FRMD4B: variants seen among roughly 807,000 people sequenced by gnomAD.
FRMD4B encodes FERM domain-containing protein 4B.
FRMD4B carries 74 observed loss-of-function variants against 141.5 expected under a neutral mutation model. That is an observed-to-expected ratio of 0.52 (90% CI 0.43 to 0.63). FRMD4B has a LOEUF of 0.63. Ranked by LOEUF, FRMD4B falls within the 30% of genes least tolerant of loss-of-function variation. The pLI, the probability that FRMD4B is intolerant of heterozygous loss-of-function variation, is 0.00. For missense variants in FRMD4B, 1,366 were observed against 1,253.4 expected, an observed-to-expected ratio of 1.09 and a Z score of -1.36; for synonymous variants, 506 against 467.9, an observed-to-expected ratio of 1.08 and a Z score of -1.05.
At chr3:69,265,270 ATATATATATATAT>A (rs1261436970) in intron 5 of FRMD4B, among the ~76,000 whole-genome samples, 897 of 20,222 alleles carry the variant, frequency 0.044, 167 homozygotes, top group Middle Eastern at 0.12. Context: ...AAAAAAAAAA[ATATATATATATAT>A]ATATATATAT....
intron 1 of FRMD4B, among the ~76,000 whole-genome samples, chr3:69,323,471 G>A (rs1343368753): frequency 6.6e-6 from 1 of 151,592 alleles, no homozygotes; most frequent in Admixed American, 6.6e-5. Context: ...GGGAGGCTGA[G>A]GCAGAATTGC....
chr3:69,502,469 G>T (rs1706514295), intron 1 of FRMD4B, among the ~76,000 whole-genome samples: 1 of 152,138 alleles, frequency 6.6e-6, no homozygotes, highest in South Asian at 2.1e-4. Flanking sequence ...TGGGAAAACT[G>T]GCTAGCCATA....
In FRMD4B at chr3:69,340,849, G is replaced by T. The variant is rs188518463; in HGVS notation, c.163-27332C>A. Among the ~76,000 whole-genome samples the T allele has an allele frequency of 2.8e-4, 42 of 152,196 alleles. No individual in the cohort carries two copies. The East Asian group carries it at 7.5e-3, about 27-fold the overall frequency. ...CTTTGTTATTTAATGTCTGCCTCTA[G>T]GTACTTTGTCTTGCTAACCACTCTA... On this transcript the variant is annotated intron_variant, in intron 1 of 22. Coordinates refer to ENST00000398540, the MANE Select transcript of FRMD4B (RefSeq NM_015123.3).
chr3:69,305,659 C>A (rs1701367976), intron 3 of FRMD4B, among the ~76,000 whole-genome samples: 2 of 152,230 alleles, frequency 1.3e-5, no homozygotes, highest in South Asian at 4.1e-4. Context: ...GAGGTTGAGG[C>A]AGGAGGATCA....
At chr3:69,485,440 C>T (rs963219983) in intron 1 of FRMD4B, among the ~76,000 whole-genome samples, 1 of 152,186 alleles carries the variant, frequency 6.6e-6, no homozygotes, top group Non-Finnish European at 1.5e-5. Flanking sequence ...GATCCGCACC[C>T]AGGACTTGGG....
chr3:69,272,803 T>C (rs1379822605), intron 5 of FRMD4B, among the ~76,000 whole-genome samples: 1 of 152,192 alleles, frequency 6.6e-6, no homozygotes, highest in African/African-American at 2.4e-5. Flanking sequence ...TTCAGTTAAA[T>C]TGCACTGAGA....
Position 69,422,149 on chromosome 3 carries a change from G to A in FRMD4B, c.-1+10485C>T, listed in dbSNP as rs555311314. Among the ~76,000 whole-genome samples the A allele has an allele frequency of 6.1e-4, 93 of 152,256 alleles. 1 individual carries two copies. The highest frequency in any genetic ancestry group is 2.1e-3 in the African/African-American group (89 of 41,564). On this transcript the variant is annotated intron_variant, in intron 2 of 5. Transcript: ENST00000459638. ...CCATGCCTGTAATCCCAGCACTTTG[G>A]GAGGCTGAGGAGGGCAGACCACTTG... is the stretch of plus-strand genomic sequence containing the variant.
intron 5 of FRMD4B, among the ~76,000 whole-genome samples, chr3:69,282,066 T>C (rs1459529063): frequency 2.0e-5 from 3 of 152,148 alleles, no homozygotes; most frequent in Admixed American, 6.6e-5. Flanking sequence ...GAGGCTGAAT[T>C]TTATAAATCC....
chr3:69,345,963 T>C (rs1234499665), intron 1 of FRMD4B, among the ~76,000 whole-genome samples: 1 of 152,036 alleles, frequency 6.6e-6, no homozygotes, highest in Admixed American at 6.5e-5. Context: ...TTGCCAGCAA[T>C]GCAACAAAGC....
In FRMD4B at chr3:69,181,527, G is replaced by A; in HGVS notation, c.2223C>T (p.Tyr741=). The change falls in exon 21 of 23, where the codon TAC becomes TAT. Residue 741 remains tyrosine (Y), a synonymous_variant. Transcript: ENST00000398540. The part of the protein sequence containing the change: ...SYTSQSSTEY[Y]CVTPVTGPYY... ...AGGGGCCGGTAACTGGTGTCACACA[G>A]TAATACTCTGTGCTTGATTGGCTTG... 1 of 1,613,970 alleles carries A rather than the reference G, an allele frequency of 6.2e-7. No homozygotes were observed. The highest frequency in any genetic ancestry group is 1.1e-5 in the South Asian group (1 of 91,084).
At chr3:69,331,294 G>A (rs1036460234) in intron 1 of FRMD4B, among the ~76,000 whole-genome samples, 1 of 152,162 alleles carries the variant, frequency 6.6e-6, no homozygotes, top group Non-Finnish European at 1.5e-5. Flanking sequence ...TCTTGCTTTA[G>A]GCAGAGGGAT....
chr3:69,309,980 T>C (rs1282869089), intron 3 of FRMD4B, among the ~76,000 whole-genome samples: 2 of 152,242 alleles, frequency 1.3e-5, no homozygotes, highest in East Asian at 3.8e-4. Context: ...GTGCTGGCTA[T>C]GCATGTCGGC....
At position 69,337,226 on chromosome 3, in the gene FRMD4B, A is replaced by G. The variant is rs186367467; in HGVS notation, c.163-23709T>C. On this transcript the variant is annotated intron_variant, in intron 1 of 22. Transcript: ENST00000398540. ...GGGGAAAGGATTCCCTATTTAATAA[A>G]TGGTGCTGGGAAAACTGGCTAGCCA... Among the ~76,000 whole-genome samples, 1,012 of 152,298 alleles carry G rather than the reference A, an allele frequency of 6.6e-3. 27 individuals are homozygous for G. The highest frequency in any genetic ancestry group is 0.06 in the East Asian group (313 of 5,186).
intron 1 of FRMD4B, among the ~76,000 whole-genome samples, chr3:69,530,050 C>A (rs1349610625): frequency 1.3e-5 from 2 of 152,316 alleles, no homozygotes; most frequent in Non-Finnish European, 2.9e-5. Context: ...CTATACCCTG[C>A]TTGGTTTGTA....
intron 1 of FRMD4B, among the ~76,000 whole-genome samples, chr3:69,479,189 G>A (rs565036629): frequency 1.3e-5 from 2 of 150,934 alleles, no homozygotes; most frequent in South Asian, 4.2e-4. Flanking sequence ...TTTAATTGGA[G>A]CATTTAGTCC....
rs141169464 is a variant in FRMD4B at position 69,425,875 on chromosome 3, T to G, written c.-1+6759A>C. ...GAACCTCATCTAACTCCAGAGCGTA[T>G]GCTTAATGACTACACTATATTACCC... On this transcript the variant is annotated intron_variant, in intron 2 of 5. Coordinates refer to the FRMD4B transcript ENST00000459638. 3.9e-5 allele frequency among the ~76,000 whole-genome samples: 6 copies of G among 152,356 alleles called. No homozygotes were observed. In the East Asian group the frequency reaches 1.2e-3, roughly 29 times the overall value.
intron 12 of FRMD4B, among the ~76,000 whole-genome samples, chr3:69,197,377 T>A (rs1436911908): frequency 1.3e-5 from 2 of 152,102 alleles, no homozygotes; most frequent in African/African-American, 4.8e-5. Flanking sequence ...ATAAATGGGA[T>A]AAGATTTTAA....
At position 69,464,168 on chromosome 3, in the gene FRMD4B, T is replaced by C. The variant is rs76851638; in HGVS notation, c.-128-31407A>G. ...TAAGGCTGACTTTCTGAATAAATGA[T>C]CAACTGATTTGTATTAAACTTTTGC... On this transcript the variant is annotated intron_variant, in intron 1 of 5. Coordinates refer to the FRMD4B transcript ENST00000459638. 5.3e-3 allele frequency among the ~76,000 whole-genome samples: 801 copies of C among 152,342 alleles called. 17 individuals carry two copies. The East Asian group carries it at 0.069, about 13-fold the overall frequency.
intron 2 of FRMD4B, among the ~76,000 whole-genome samples, chr3:69,395,794 G>T (rs1704465004): frequency 6.6e-6 from 1 of 152,174 alleles, no homozygotes; most frequent in South Asian, 2.1e-4. Flanking sequence ...GTTACACAGT[G>T]GAGAAAATAG....
Sources: allele counts gnomAD v4.1 joint callset (sites outside exome capture counted in the v4.1 genomes callset), GRCh38; gene constraint gnomAD v4.1.1; transcripts MANE v1.5; gene names NCBI Gene and HGNC (gene_info 2026-07-23, HGNC 2026-07-21).